RAI1: variants seen among roughly 807,000 people sequenced by gnomAD.
The protein encoded by RAI1 is retinoic acid induced 1.
A neutral mutation model predicts 123.8 loss-of-function variants in RAI1; 9 were observed. The observed-to-expected ratio is 0.07, with a 90% CI of 0.04 to 0.13. The LOEUF (loss-of-function observed/expected upper bound fraction) is 0.13. RAI1 is among the 10% of genes least tolerant of loss of function. RAI1 has a pLI of 1.00. For missense variants in RAI1, 2,256 were observed against 2,545.8 expected, an observed-to-expected ratio of 0.89 and a Z score of 2.45; for synonymous variants, 1,231 against 1,127.3, an observed-to-expected ratio of 1.09 and a Z score of -1.84.
At position 17,726,672 on chromosome 17, in the gene RAI1, GT is replaced by G. The variant is rs1314328673; in HGVS notation, c.-17+2521del. Among the ~76,000 whole-genome samples, 5 of 152,046 alleles carry G rather than the reference GT, an allele frequency of 3.3e-5. No individual in the cohort carries two copies. The South Asian group carries it at 6.2e-4, about 19-fold the overall frequency. ...CAATTGGAAGCATCTAGCCCTTGTG[GT>G]TTTTTTTAAACCTTTTTGAAATATA... On this transcript the variant is annotated intron_variant, in intron 2 of 5. Transcript: ENST00000353383.
In RAI1 at chr17:17,803,864, A is replaced by G. The variant is rs773672019; in HGVS notation, c.5659+15A>G. 7 of 1,609,470 alleles carry G rather than the reference A, an allele frequency of 4.3e-6. No individual in the cohort carries two copies. In the South Asian group the frequency reaches 6.6e-5, roughly 15 times the overall value. On this transcript the variant is annotated intron_variant, in intron 4 of 5. Transcript: ENST00000353383. ...CAGCGATGCAGGTACGAGCCCGCCC[A>G]GGAACAGGAGGGCATTGGAGCCCAT...
intron 2 of RAI1, among the ~76,000 whole-genome samples, chr17:17,762,479 G>A (rs2142992675): frequency 6.6e-6 from 1 of 152,288 alleles, no homozygotes; most frequent in South Asian, 2.1e-4. Flanking sequence ...GGAAAGTTCT[G>A]ACTCTACCCC....
At chr17:17,733,488 G>C (rs1209476994) in intron 2 of RAI1, among the ~76,000 whole-genome samples, 1 of 152,146 alleles carries the variant, frequency 6.6e-6, no homozygotes, top group Non-Finnish European at 1.5e-5. Flanking sequence ...ATTCATTCCA[G>C]GCATTCAGAT....
chr17:17,741,930 G>A (rs1434982542), intron 2 of RAI1, among the ~76,000 whole-genome samples: 3 of 152,244 alleles, frequency 2.0e-5, no homozygotes, highest in African/African-American at 4.8e-5. Context: ...GGGTAAATCC[G>A]TTTTATCAGA....
At position 17,794,213 on chromosome 17, in the gene RAI1, T is replaced by A. The variant is rs755790638; in HGVS notation, c.1265T>A (p.Leu422His). 1.9e-6 allele frequency: 3 copies of A among 1,613,294 alleles called. No individual in the cohort carries two copies. In the African/African-American group the frequency reaches 4.0e-5, roughly 22 times the overall value. The part of the protein sequence containing the change: ...GNCKPLQKDK[L>H]PENLLSDLSL... ...TGCAAGCCCCTTCAGAAGGACAAGC[T>A]CCCTGAGAACCTGCTGTCGGATCTC... is the stretch of plus-strand genomic sequence containing the variant. The change falls in exon 3 of 6, where the codon CTC (leucine) becomes CAC (histidine). Residue 422 changes from leucine to histidine, a missense_variant. By Grantham distance (99) the Leu-to-His change is moderately conservative. Transcript: ENST00000353383.
intron 2 of RAI1, among the ~76,000 whole-genome samples, chr17:17,774,603 G>A (rs1294270573): frequency 6.6e-6 from 1 of 152,258 alleles, no homozygotes; most frequent in Non-Finnish European, 1.5e-5. Context: ...TCCTGAGGCT[G>A]TGGGCTGGAG....
intron 1 of RAI1, among the ~76,000 whole-genome samples, chr17:17,689,339 G>A (rs1035981117): frequency 6.6e-6 from 1 of 152,128 alleles, no homozygotes; most frequent in Non-Finnish European, 1.5e-5. Context: ...GAGGAGTTTG[G>A]TGCTTATTTC....
intron 2 of RAI1, among the ~76,000 whole-genome samples, chr17:17,791,102 G>A (rs1291830903): frequency 1.3e-5 from 2 of 152,256 alleles, no homozygotes; most frequent in Admixed American, 1.3e-4. Flanking sequence ...GCTTTGATAA[G>A]CCGGTGGGCA....
chr17:17,723,347 C>G (rs530825011), intron 1 of RAI1, among the ~76,000 whole-genome samples: 2 of 150,690 alleles, frequency 1.3e-5, no homozygotes, highest in South Asian at 2.2e-4. Context: ...AGACCCCCCC[C>G]CCCAAGCCCC....
rs1288041916 is a variant in RAI1, at chr17:17,724,405, C to CTT, written c.-17+246_-17+247insTT. On this transcript the variant is annotated intron_variant, in intron 2 of 5. Transcript: ENST00000353383. ...CTCAGAAGAAGGAATTTCTTTCTTT[C>CTT]CTTTTTTTTTTTTTTTTTTTGGCCG... is the stretch of plus-strand genomic sequence containing the variant. Among the ~76,000 whole-genome samples, 3 of 84,962 alleles carry CTT rather than the reference C, an allele frequency of 3.5e-5. No homozygotes were observed. In the South Asian group the frequency reaches 7.9e-4, roughly 22 times the overall value. The allele number at this position is 84,962 out of a possible 152,430, so 55.7% of individuals were successfully genotyped here.
At chr17:17,749,933 A>G (rs1310486499) in intron 2 of RAI1, among the ~76,000 whole-genome samples, 1 of 152,254 alleles carries the variant, frequency 6.6e-6, no homozygotes, top group Non-Finnish European at 1.5e-5. Context: ...GGGTAAGATC[A>G]GCTGCAGCAA....
At chr17:17,791,815 G>T (rs1472299631) in intron 2 of RAI1, among the ~76,000 whole-genome samples, 2 of 152,170 alleles carry the variant, frequency 1.3e-5, no homozygotes, top group Admixed American at 6.5e-5. Context: ...TACCCTGGAT[G>T]CTGGGCTGTC....
chr17:17,806,243 T>TTGTAGCAAC (rs2032590443), intron 4 of RAI1, among the ~76,000 whole-genome samples: 2 of 152,208 alleles, frequency 1.3e-5, no homozygotes, highest in African/African-American at 2.4e-5. Flanking sequence ...CGGGGGAGCT[T>TTGTAGCAAC]TGTAGCAACT....
chr17:17,697,073 T>C (rs1280440461), intron 1 of RAI1, among the ~76,000 whole-genome samples: 2 of 152,206 alleles, frequency 1.3e-5, no homozygotes, highest in Non-Finnish European at 2.9e-5. Flanking sequence ...TGCCCTGACC[T>C]ATCCCTACTG....
At chr17:17,722,029 G>A (rs1021548725) in intron 1 of RAI1, among the ~76,000 whole-genome samples, 4 of 152,174 alleles carry the variant, frequency 2.6e-5, no homozygotes, top group Non-Finnish European at 5.9e-5. Context: ...TCATTGAGCA[G>A]CAAAACCCAA....
Position 17,809,496 on chromosome 17 carries a change from C to G in RAI1, c.5709+57C>G. The stretch of plus-strand genomic sequence containing the variant: ...GGTGTCAAGCGGGAGAGGAGCCCCA[C>G]CTCGCACCTCCTTCACAGTCCCCTG... On this transcript the variant is annotated intron_variant, in intron 5 of 5. Transcript: ENST00000353383. This position sits in a 1 kb window ranked among gnomAD's most constrained non-coding sequence, Gnocchi z 4.9. 1.7e-5 allele frequency: 25 copies of G among 1,502,870 alleles called. No homozygotes were observed. Among genetic ancestry groups the G allele is most frequent in the Non-Finnish European group, 2.3e-5 (25 of 1,081,176 alleles). The allele number at this position is 1,502,870 out of a possible 1,614,324, so 93.1% of individuals were successfully genotyped here.
chr17:17,712,309 G>A (rs60742094), intron 1 of RAI1, among the ~76,000 whole-genome samples: 4,291 of 152,334 alleles, frequency 0.028, 97 homozygotes, highest in South Asian at 0.048. Context: ...GGAAGCAAAT[G>A]GAAGCAGGGC....
In RAI1 at chr17:17,681,695, G is replaced by C. The variant is rs970771228; in HGVS notation, c.-247G>C. 2.7e-5 allele frequency: 8 copies of C among 293,624 alleles called. No individual in the cohort carries two copies. Among genetic ancestry groups the C allele is most frequent in the Non-Finnish European group, 5.0e-5 (8 of 158,888 alleles). The allele number at this position is 293,624 out of a possible 1,614,324, so 18.2% of individuals were successfully genotyped here. A position where few individuals can be genotyped will look rare whatever the true frequency, so the allele number is the denominator to read the frequency against. ...CTCCTTCCTGCCTGGCCGCGGGCCG[G>C]CCGGGCCGCCGCGCCCCGACCCCCA... is the stretch of plus-strand genomic sequence containing the variant. On this transcript the variant is annotated 5_prime_UTR_variant, in exon 1 of 6. Transcript: ENST00000353383.
At chr17:17,731,304 C>G (rs1273618149) in intron 2 of RAI1, among the ~76,000 whole-genome samples, 2 of 152,216 alleles carry the variant, frequency 1.3e-5, no homozygotes, top group Admixed American at 6.5e-5. Context: ...AAGGTTCTGG[C>G]CCAGATGCCC....
Sources: gnomAD v4.1 joint callset for allele counts (sites outside exome capture counted in the v4.1 genomes callset) on GRCh38, gnomAD v4.1.1 for gene constraint, Gnocchi (gnomAD v3.1) non-coding constraint, MANE v1.5 for transcripts, NCBI Gene and HGNC (gene_info 2026-07-23, HGNC 2026-07-21) for gene names.